Variants in PCDHA5 observed in about 807,000 individuals in gnomAD.
PCDHA5 encodes the protein protocadherin alpha 5, also known as protocadherin alpha-5.
PCDHA5 carries 43 observed loss-of-function variants against 61.6 expected under a neutral mutation model. The observed-to-expected ratio is 0.70, with a 90% CI of 0.55 to 0.90. The LOEUF (loss-of-function observed/expected upper bound fraction) is 0.90, where lower values mean the gene tolerates loss of function less well. Ranked by LOEUF, PCDHA5 falls within the 40% of genes least tolerant of loss-of-function variation. PCDHA5 has a pLI of 0.00. For missense variants in PCDHA5, 1,298 were observed against 1,222.7 expected, an observed-to-expected ratio of 1.06 and a Z score of -0.92; for synonymous variants, 627 against 543.9, an observed-to-expected ratio of 1.15 and a Z score of -2.13.
Position 140,843,095 on chromosome 5 carries a change from G to GC in PCDHA5, c.2352+18969dup. On this transcript the variant is annotated intron_variant, in intron 1 of 3. Coordinates refer to ENST00000529859, the MANE Select transcript of PCDHA5 (RefSeq NM_018908.3). ...GTCTGTGGGCGCGGGCCACGTGGTA[G>GC]CGAAGGTGCGCGCAGTGGACGCCGA... is the stretch of plus-strand genomic sequence containing the variant. The GC allele has an allele frequency of 4.4e-6, 7 of 1,595,672 alleles. 2 individuals are homozygous for GC. The highest frequency in any genetic ancestry group is 6.0e-6 in the Non-Finnish European group (7 of 1,165,442).
At chr5:140,828,498 A>T in intron 1 of PCDHA5, 1 of 1,614,228 alleles carries the variant, frequency 6.2e-7, no homozygotes, top group Middle Eastern at 1.6e-4. Flanking sequence ...TTCCCGGTAG[A>T]GGAACAAAGA....
intron 1 of PCDHA5, among the ~76,000 whole-genome samples, chr5:140,961,280 C>T (rs246003): frequency 7.2e-5 from 11 of 152,104 alleles, no homozygotes; most frequent in Non-Finnish European, 1.0e-4. Flanking sequence ...TACCATGGCT[C>T]TGTTTCTTGA....
At chr5:140,858,877 T>C (rs1192816588) in intron 1 of PCDHA5, 1 of 245,498 alleles carries the variant, frequency 4.1e-6, no homozygotes, top group Non-Finnish European at 7.9e-6. Context: ...TGTGTTTTCC[T>C]CCATGTGTAG....
At chr5:140,927,619 C>T (rs2084429859) in intron 1 of PCDHA5, 3 of 1,614,170 alleles carry the variant, frequency 1.9e-6, no homozygotes, top group Non-Finnish European at 2.5e-6. Flanking sequence ...CACCAAGGTT[C>T]CAGAGACTGC....
intron 1 of PCDHA5, chr5:140,927,514 G>T: frequency 6.2e-7 from 1 of 1,614,056 alleles, no homozygotes; most frequent in Non-Finnish European, 8.5e-7. Flanking sequence ...AGCTCGGGAC[G>T]GCGGGCTACC....
At chr5:140,869,628 T>TGAGTATTTTTCTTTA in intron 1 of PCDHA5, 1 of 1,613,700 alleles carries the variant, frequency 6.2e-7, no homozygotes, top group Non-Finnish European at 8.5e-7. Flanking sequence ...TAAGTAAAAA[T>TGAGTATTTTTCTTTA]GAGTATTTTT....
chr5:140,892,087 T>G (rs2063378040), intron 1 of PCDHA5, among the ~76,000 whole-genome samples: 1 of 152,226 alleles, frequency 6.6e-6, no homozygotes, highest in East Asian at 1.9e-4. Context: ...TAGTTTCCTC[T>G]CGAAACTTTC....
Position 140,883,664 on chromosome 5 carries a change from G to A in PCDHA5, c.2352+59537G>A, listed in dbSNP as rs200846533. The A allele has an allele frequency of 6.7e-5, 108 of 1,613,836 alleles. No individual in the cohort carries two copies. Among genetic ancestry groups the A allele is most frequent in the Non-Finnish European group, 8.9e-5 (105 of 1,179,872 alleles). On this transcript the variant is annotated intron_variant, in intron 1 of 3. Transcript: ENST00000529859. ...GCCCGAGTACACGGTGTTCGTGAAG[G>A]AAAACAATCCGCCGGGCTGCCACAT... is the stretch of plus-strand genomic sequence containing the variant.
At chr5:140,905,611 T>C (rs1396340503) in intron 1 of PCDHA5, among the ~76,000 whole-genome samples, 1 of 152,224 alleles carries the variant, frequency 6.6e-6, no homozygotes, top group South Asian at 2.1e-4. Flanking sequence ...ATTGAATCTA[T>C]AGATTGCTTT....
chr5:140,927,656 T>C (rs782201050), intron 1 of PCDHA5: 4 of 1,613,938 alleles, frequency 2.5e-6, no homozygotes, highest in Non-Finnish European at 3.4e-6. Flanking sequence ...TTATTCCGAG[T>C]TCAAGCCTTG....
intron 1 of PCDHA5, chr5:140,836,271 G>A: frequency 1.9e-6 from 3 of 1,613,806 alleles, no homozygotes; most frequent in Non-Finnish European, 2.5e-6. Context: ...GTACACTGGT[G>A]AGATCAGCAC....
At chr5:140,884,329 G>T (rs782258780) in intron 1 of PCDHA5, 1 of 1,613,760 alleles carries the variant, frequency 6.2e-7, no homozygotes, top group Non-Finnish European at 8.5e-7. Flanking sequence ...CAGGCGCTGT[G>T]GGTCCAGAAG....
intron 1 of PCDHA5, chr5:140,864,877 T>C (rs1475391841): frequency 6.6e-6 from 1 of 152,220 alleles, no homozygotes; most frequent in Non-Finnish European, 1.5e-5. Flanking sequence ...CCATTGTCTG[T>C]GTTCATTAAG....
chr5:140,871,522 A>T, intron 1 of PCDHA5: 1 of 1,549,186 alleles, frequency 6.5e-7, no homozygotes, highest in Non-Finnish European at 8.7e-7. Flanking sequence ...TCCACCTATC[A>T]GGAAGTGTAT....
chr5:141,007,416 AAATT>A (rs2098327486), intron 3 of PCDHA5, among the ~76,000 whole-genome samples: 1 of 149,348 alleles, frequency 6.7e-6, no homozygotes, highest in Non-Finnish European at 1.5e-5. Context: ...AAAAAAAAAA[AAATT>A]AGCCAGGCAT....
At chr5:140,836,835 C>T (rs1774769816) in intron 1 of PCDHA5, 2 of 878,888 alleles carry the variant, frequency 2.3e-6, no homozygotes, top group Non-Finnish European at 1.7e-6. Flanking sequence ...TAGTTGATAG[C>T]TTTATGTATA....
At chr5:140,909,966 G>C (rs1583724116) in intron 1 of PCDHA5, among the ~76,000 whole-genome samples, 1 of 152,202 alleles carries the variant, frequency 6.6e-6, no homozygotes, top group African/African-American at 2.4e-5. Flanking sequence ...TCTCCATGGG[G>C]AAGGATGGGA....
In PCDHA5 at chr5:140,852,554, C is replaced by T. The variant is rs2150518333; in HGVS notation, c.2352+28427C>T. On this transcript the variant is annotated intron_variant, in intron 1 of 3. Coordinates refer to ENST00000529859, the MANE Select transcript of PCDHA5 (RefSeq NM_018908.3). ...GCCTCCCAAAGTGCTGGGATTAAAG[C>T]TGTGAGCCACTGTGCCAAGGCTTTT... The T allele has an allele frequency of 2.3e-3, 1,476 of 640,248 alleles. 60 individuals are homozygous for T. The highest frequency in any genetic ancestry group is 1.6e-3 in the Non-Finnish European group (826 of 501,678). 39.7% of individuals were successfully genotyped at this position (640,248 alleles called of 1,614,324 possible).
At chr5:140,887,130 T>C (rs1164233833) in intron 1 of PCDHA5, among the ~76,000 whole-genome samples, 1 of 151,716 alleles carries the variant, frequency 6.6e-6, no homozygotes, top group African/African-American at 2.4e-5. Context: ...GGAGTCTCAC[T>C]CTGTCGCCCA....
Sources: allele counts gnomAD v4.1 joint callset (sites outside exome capture counted in the v4.1 genomes callset), GRCh38; gene constraint gnomAD v4.1.1; transcripts MANE v1.5; gene names NCBI Gene and HGNC (gene_info 2026-07-23, HGNC 2026-07-21).